Variants in SORCS3 observed in about 807,000 individuals in gnomAD.
SORCS3 encodes VPS10 domain-containing receptor SorCS3.
In SORCS3, 57 loss-of-function variants were observed where a neutral mutation model predicts 146.3. The ratio of observed to expected loss-of-function variants is 0.39; its 90% CI spans 0.31 to 0.49. The LOEUF is 0.49. Ranked by LOEUF, SORCS3 falls within the 20% of genes least tolerant of loss-of-function variation. The probability of loss-of-function intolerance (pLI) is 0.92; values close to 1 mark genes in which losing one functional copy is unlikely to be tolerated. For synonymous variants in SORCS3, 653 were observed against 618.5 expected (o/e 1.06, Z -0.83); for missense variants, 1,341 against 1,575.5 (o/e 0.85, Z 2.52).
intron 1 of SORCS3, among the ~76,000 whole-genome samples, chr10:104,809,449 A>G (rs61867294): frequency 0.15 from 23,139 of 152,230 alleles, 2,166 homozygotes; most frequent in Middle Eastern, 0.21. Flanking sequence ...CTCAAAGAGC[A>G]AGTAGAAACA....
At chr10:105,048,477 T>G (rs1184641766) in intron 5 of SORCS3, among the ~76,000 whole-genome samples, 1 of 142,802 alleles carries the variant, frequency 7.0e-6, no homozygotes, top group Admixed American at 7.3e-5. Context: ...CAGGTGGGAA[T>G]TGAACAATGA....
At chr10:104,996,247 A>C (rs1200244147) in intron 4 of SORCS3, among the ~76,000 whole-genome samples, 1 of 152,164 alleles carries the variant, frequency 6.6e-6, no homozygotes, top group African/African-American at 2.4e-5. Context: ...GGCTTTTGGA[A>C]TTTTGGTTGG....
At chr10:104,882,757 C>T (rs1225434246) in intron 2 of SORCS3, among the ~76,000 whole-genome samples, 1 of 152,210 alleles carries the variant, frequency 6.6e-6, no homozygotes, top group Non-Finnish European at 1.5e-5. Flanking sequence ...TTCCCATCTC[C>T]CCACCCAGTG....
At chr10:104,821,166 A>C (rs2017868590) in intron 1 of SORCS3, among the ~76,000 whole-genome samples, 2 of 152,200 alleles carry the variant, frequency 1.3e-5, no homozygotes, top group Non-Finnish European at 2.9e-5. Context: ...GGCATTCTCT[A>C]TACTCTGTTG....
intron 1 of SORCS3, among the ~76,000 whole-genome samples, chr10:104,829,858 G>A (rs74822571): frequency 0.013 from 1,942 of 152,174 alleles, 30 homozygotes; most frequent in African/African-American, 0.035. Context: ...CCTGTTCTGT[G>A]TCAGCCAGGG....
At chr10:104,918,004 G>A (rs1479846317) in intron 3 of SORCS3, among the ~76,000 whole-genome samples, 4 of 152,134 alleles carry the variant, frequency 2.6e-5, no homozygotes, top group Non-Finnish European at 5.9e-5. Flanking sequence ...CCCAGTAGTC[G>A]AATTGCTTGT....
intron 22 of SORCS3, among the ~76,000 whole-genome samples, chr10:105,249,937 T>C (rs1305055543): frequency 6.6e-6 from 1 of 152,004 alleles, no homozygotes; most frequent in African/African-American, 2.4e-5. Flanking sequence ...GAGACTGTTA[T>C]GTATGCTGTG....
intron 3 of SORCS3, among the ~76,000 whole-genome samples, chr10:104,946,086 T>A (rs1023694962): frequency 3.3e-5 from 5 of 152,012 alleles, no homozygotes; most frequent in African/African-American, 4.8e-5. Flanking sequence ...TCTGGTAGGG[T>A]ACTGTTGAGT....
At chr10:104,717,248 G>C (rs1297149382) in intron 1 of SORCS3, among the ~76,000 whole-genome samples, 1 of 148,306 alleles carries the variant, frequency 6.7e-6, no homozygotes, top group Non-Finnish European at 1.5e-5. Flanking sequence ...TTGTACCACT[G>C]CACTCCAGCC....
chr10:105,008,325 A>C (rs550947506), intron 4 of SORCS3, among the ~76,000 whole-genome samples: 1 of 152,322 alleles, frequency 6.6e-6, no homozygotes, highest in East Asian at 1.9e-4. Flanking sequence ...GAAGGTGTGC[A>C]TTTCACTGAT....
chr10:105,133,637 A>G (rs2056037336), intron 7 of SORCS3, among the ~76,000 whole-genome samples: 1 of 152,142 alleles, frequency 6.6e-6, no homozygotes, highest in Non-Finnish European at 1.5e-5. Flanking sequence ...CTAAGAAGAT[A>G]TTATTTTCAA....
chr10:105,076,656 C>A (rs1024083181), intron 5 of SORCS3, among the ~76,000 whole-genome samples: 1 of 152,132 alleles, frequency 6.6e-6, no homozygotes, highest in Non-Finnish European at 1.5e-5. Flanking sequence ...CTTTTATACC[C>A]ACTTTTGAAG....
intron 1 of SORCS3, among the ~76,000 whole-genome samples, chr10:104,800,327 G>A (rs991006880): frequency 2.6e-5 from 4 of 152,168 alleles, no homozygotes; most frequent in South Asian, 4.1e-4. Context: ...AGTAGTTAGC[G>A]AGGAGAGGGG....
intron 7 of SORCS3, among the ~76,000 whole-genome samples, chr10:105,119,278 G>A (rs1026251260): frequency 1.3e-5 from 2 of 152,140 alleles, no homozygotes; most frequent in Non-Finnish European, 2.9e-5. Context: ...TGAGGTTTGG[G>A]GATGTTCACT....
At position 105,255,683 on chromosome 10, in the gene SORCS3, T is replaced by G; in HGVS notation, c.3238-19T>G. On this transcript the variant is annotated intron_variant, in intron 23 of 26. Transcript: ENST00000369701. Reference sequence around the variant, plus strand: ...ATTGCATGTCATGTCACCCCATGCATCCTGTCTTATTTTTTCAGATTGTAG... The same window carrying G: ...ATTGCATGTCATGTCACCCCATGCAGCCTGTCTTATTTTTTCAGATTGTAG... The G allele has an allele frequency of 6.4e-7, 1 of 1,573,064 alleles. No individual in the cohort carries two copies. The highest frequency in any genetic ancestry group is 8.7e-7 in the Non-Finnish European group (1 of 1,143,278).
At chr10:105,113,230 G>A (rs1359477231) in intron 7 of SORCS3, among the ~76,000 whole-genome samples, 1 of 152,174 alleles carries the variant, frequency 6.6e-6, no homozygotes, top group Non-Finnish European at 1.5e-5. Context: ...TCCATGTGTG[G>A]ACAGCTGAAC....
At chr10:105,141,937 T>C (rs1167224374) in intron 8 of SORCS3, among the ~76,000 whole-genome samples, 1 of 152,184 alleles carries the variant, frequency 6.6e-6, no homozygotes, top group African/African-American at 2.4e-5. Context: ...GAGGATTTAA[T>C]GAATGGCTCA....
intron 20 of SORCS3, among the ~76,000 whole-genome samples, chr10:105,243,079 A>G (rs1366955431): frequency 1.4e-5 from 2 of 139,626 alleles, no homozygotes; most frequent in African/African-American, 5.3e-5. Context: ...ATTTATATAT[A>G]TATATTTAGC....
chr10:105,207,334 G>A (rs2056608669), intron 16 of SORCS3, among the ~76,000 whole-genome samples: 1 of 148,872 alleles, frequency 6.7e-6, no homozygotes, highest in Non-Finnish European at 1.5e-5. Flanking sequence ...CCCTCCTTTA[G>A]AATCTAAGCC....
Sources: gnomAD v4.1 joint callset for allele counts (sites outside exome capture counted in the v4.1 genomes callset) on GRCh38, gnomAD v4.1.1 for gene constraint, MANE v1.5 for transcripts, NCBI Gene and HGNC (gene_info 2026-07-23, HGNC 2026-07-21) for gene names.